Variants in SDK1 observed in about 807,000 individuals in gnomAD.
SDK1 encodes sidekick cell adhesion molecule 1.
A neutral mutation model predicts 245.5 loss-of-function variants in SDK1; 157 were observed. The observed-to-expected ratio is 0.64, with a 90% confidence interval of 0.56 to 0.73. The LOEUF is 0.73. Among genes scored for constraint, SDK1 ranks in the 30% least tolerant of loss-of-function variants. The pLI is 0.00. For synonymous variants in SDK1, 1,647 were observed against 1,278.5 expected (o/e 1.29, Z -6.15); for missense variants, 3,583 against 3,002.3 (o/e 1.19, Z -4.52).
At chr7:4,187,950 C>CGGGGGAGGCCTCACTATCA (rs1782986570) in intron 35 of SDK1, among the ~76,000 whole-genome samples, 6 of 144,756 alleles carry the variant, frequency 4.1e-5, no homozygotes, top group African/African-American at 1.5e-4. Context: ...TTCCACGTGG[C>CGGGGGAGGCCTCACTATCA]TGGGGAAGGT....
intron 22 of SDK1, among the ~76,000 whole-genome samples, chr7:4,107,734 C>A (rs1328953124): frequency 6.6e-6 from 1 of 152,184 alleles, no homozygotes; most frequent in Non-Finnish European, 1.5e-5. Flanking sequence ...CCGCCTACGA[C>A]CCCCATCTCC....
intron 1 of SDK1, among the ~76,000 whole-genome samples, chr7:3,520,726 G>A (rs1008989546): frequency 3.3e-5 from 5 of 152,060 alleles, no homozygotes; most frequent in African/African-American, 1.2e-4. Flanking sequence ...AGGGTATGTC[G>A]ATACTTGAAC....
At chr7:3,756,240 C>G (rs1460939444) in intron 4 of SDK1, among the ~76,000 whole-genome samples, 4 of 135,176 alleles carry the variant, frequency 3.0e-5, no homozygotes, top group African/African-American at 1.1e-4. Flanking sequence ...GATGCTTTGA[C>G]CCTGAGTCCT....
At chr7:3,424,137 C>T (rs765196674) in intron 1 of SDK1, among the ~76,000 whole-genome samples, 6 of 152,208 alleles carry the variant, frequency 3.9e-5, no homozygotes, top group African/African-American at 7.2e-5. Context: ...GTCTCAAACT[C>T]GTGACCTCAG....
chr7:3,441,320 A>G (rs1780189938), intron 1 of SDK1, among the ~76,000 whole-genome samples: 1 of 152,134 alleles, frequency 6.6e-6, no homozygotes, highest in African/African-American at 2.4e-5. Context: ...GGGGCCTTTG[A>G]ATGTATCTCT....
intron 5 of SDK1, among the ~76,000 whole-genome samples, chr7:3,849,224 C>G (rs1441564718): frequency 6.6e-6 from 1 of 152,192 alleles, no homozygotes; most frequent in Non-Finnish European, 1.5e-5. Context: ...TACATGTCTT[C>G]AGGATGCTCC....
rs145487344 is a variant in SDK1 at position 4,104,083 on chromosome 7, G to A, written c.3325-6580G>A. On this transcript the variant is annotated intron_variant, in intron 22 of 44. Coordinates refer to ENST00000404826, the MANE Select transcript of SDK1 (RefSeq NM_152744.4). ...AGCCCTGCTTGTTTGTGTTTGAGAC[G>A]GGGTCTCCCTCTGTGGCCCATGCTG... Among the ~76,000 whole-genome samples, 308 of 152,352 alleles carry A rather than the reference G, an allele frequency of 2.0e-3. 3 individuals carry two copies. The highest frequency in any genetic ancestry group is 6.8e-3 in the African/African-American group (282 of 41,588).
intron 1 of SDK1, among the ~76,000 whole-genome samples, chr7:3,547,571 G>C (rs559330364): frequency 6.6e-6 from 1 of 152,148 alleles, no homozygotes; most frequent in Non-Finnish European, 1.5e-5. Context: ...TAAACTCTTG[G>C]CATTAAAAAA....
At chr7:3,479,590 A>G (rs891228097) in intron 1 of SDK1, among the ~76,000 whole-genome samples, 2 of 151,952 alleles carry the variant, frequency 1.3e-5, no homozygotes, top group African/African-American at 2.4e-5. Context: ...AAGGCCAGGC[A>G]TGGTGGCTCA....
intron 1 of SDK1, among the ~76,000 whole-genome samples, chr7:3,518,166 A>G (rs1782810277): frequency 6.6e-6 from 1 of 152,186 alleles, no homozygotes; most frequent in Admixed American, 6.5e-5. Flanking sequence ...AGGCAGGAAA[A>G]TACATTGTTT....
At chr7:3,652,679 C>T (rs1783047391) in intron 4 of SDK1, among the ~76,000 whole-genome samples, 1 of 152,126 alleles carries the variant, frequency 6.6e-6, no homozygotes, top group Non-Finnish European at 1.5e-5. Flanking sequence ...CTTATGGGGA[C>T]TTTTGAGAGC....
chr7:4,217,622 CGGAGCACCAGGCCACCT>C (rs1230182521), intron 38 of SDK1, among the ~76,000 whole-genome samples: 4 of 151,232 alleles, frequency 2.6e-5, no homozygotes, highest in African/African-American at 4.9e-5. Context: ...CCACACCACC[CGGAGCACCAGGCCACCT>C]GGAGCACCAG....
chr7:3,783,245 C>G (rs1354884013), intron 4 of SDK1, among the ~76,000 whole-genome samples: 1 of 152,010 alleles, frequency 6.6e-6, no homozygotes, highest in Non-Finnish European at 1.5e-5. Context: ...TGAGAGAATC[C>G]CACAATTAAA....
At chr7:3,819,882 C>G (rs952675715) in intron 4 of SDK1, among the ~76,000 whole-genome samples, 1 of 152,108 alleles carries the variant, frequency 6.6e-6, no homozygotes, top group Non-Finnish European at 1.5e-5. Context: ...TATTATAATG[C>G]TAAAATTCCT....
intron 1 of SDK1, among the ~76,000 whole-genome samples, chr7:3,561,865 T>C (rs924254180): frequency 6.6e-6 from 1 of 152,246 alleles, no homozygotes; most frequent in Non-Finnish European, 1.5e-5. Flanking sequence ...CATGTTCTTA[T>C]AAGGAACCTG....
intron 4 of SDK1, among the ~76,000 whole-genome samples, chr7:3,714,329 G>T (rs926295855): frequency 6.6e-6 from 1 of 152,296 alleles, no homozygotes; most frequent in African/African-American, 2.4e-5. Flanking sequence ...ACTATTCTTA[G>T]AATTAAATAT....
At chr7:3,460,376 A>G (rs193241461) in intron 1 of SDK1, among the ~76,000 whole-genome samples, 61 of 152,344 alleles carry the variant, frequency 4.0e-4, no homozygotes, top group African/African-American at 1.4e-3. Context: ...ATGTGAGTCA[A>G]TATCTATTAC....
chr7:3,788,026 T>A (rs2115019724), intron 4 of SDK1, among the ~76,000 whole-genome samples: 1 of 152,318 alleles, frequency 6.6e-6, no homozygotes, highest in Admixed American at 6.5e-5. Flanking sequence ...GAAGTGACTC[T>A]GAGAATCATG....
At chr7:4,110,820 C>A in intron 23 of SDK1, 48 bp downstream of exon 23, 1 of 1,319,876 alleles carries the variant, frequency 7.6e-7, no homozygotes, top group Non-Finnish European at 1.1e-6. Flanking sequence ...ACTGGCAGCC[C>A]AGGCAGGTGC....
Sources: allele counts gnomAD v4.1 joint callset (sites outside exome capture counted in the v4.1 genomes callset), GRCh38; gene constraint gnomAD v4.1.1; transcripts MANE v1.5; gene names NCBI Gene and HGNC (gene_info 2026-07-23, HGNC 2026-07-21).